The following TLK1 variants were observed in gnomAD, a reference collection of about 807,000 sequenced individuals.
TLK1 encodes serine/threonine-protein kinase tousled-like 1.
TLK1 carries 24 observed loss-of-function variants against 105.3 expected under a neutral mutation model. That is an observed-to-expected ratio of 0.23 (90% confidence interval 0.17 to 0.32). The LOEUF is 0.32. Among genes scored for constraint, TLK1 ranks in the 10% least tolerant of loss-of-function variants. TLK1 has a pLI of 1.00. For synonymous variants in TLK1, 321 were observed against 310.4 expected (o/e 1.03, Z -0.36); for missense variants, 558 against 910.5 (o/e 0.61, Z 4.98).
chr2:171,182,526 A>G (rs902475782), intron 1 of TLK1, among the ~76,000 whole-genome samples: 1 of 152,178 alleles, frequency 6.6e-6, no homozygotes, highest in Non-Finnish European at 1.5e-5. Flanking sequence ...AGGCCATGGA[A>G]AACAAGGAAA....
chr2:171,193,138 T>C (rs1196956827), intron 1 of TLK1, among the ~76,000 whole-genome samples: 1 of 152,188 alleles, frequency 6.6e-6, no homozygotes, highest in Non-Finnish European at 1.5e-5. Flanking sequence ...TTATACAGTA[T>C]TGGTAACCAC....
chr2:171,004,595 T>G (rs984444787), intron 18 of TLK1, among the ~76,000 whole-genome samples: 1 of 152,170 alleles, frequency 6.6e-6, no homozygotes, highest in African/African-American at 2.4e-5. Flanking sequence ...GGAAATTTCC[T>G]TGTCCTTCCC....
chr2:171,215,575 A>G (rs1250974887), intron 1 of TLK1, among the ~76,000 whole-genome samples: 1 of 152,230 alleles, frequency 6.6e-6, no homozygotes, highest in Non-Finnish European at 1.5e-5. Context: ...TGAAATCCAA[A>G]AGGAACCAAA....
At chr2:171,167,471 T>C (rs1692630153) in intron 1 of TLK1, among the ~76,000 whole-genome samples, 1 of 152,184 alleles carries the variant, frequency 6.6e-6, no homozygotes, top group Non-Finnish European at 1.5e-5. Context: ...TCCATTACAT[T>C]AGATTATGAA....
chr2:171,133,219 C>T (rs1691173604), intron 1 of TLK1, among the ~76,000 whole-genome samples: 1 of 152,112 alleles, frequency 6.6e-6, no homozygotes, highest in African/African-American at 2.4e-5. Context: ...TGTTAGGCAG[C>T]CATCCAGGTT....
At chr2:171,191,404 C>T (rs887231799) in intron 1 of TLK1, among the ~76,000 whole-genome samples, 16 of 151,916 alleles carry the variant, frequency 1.1e-4, no homozygotes, top group Admixed American at 2.6e-4. Context: ...CCCACCACCC[C>T]CCCCTCTAAA....
At chr2:171,129,310 T>C (rs1044010965) in intron 1 of TLK1, among the ~76,000 whole-genome samples, 1 of 152,218 alleles carries the variant, frequency 6.6e-6, no homozygotes, top group African/African-American at 2.4e-5. Context: ...CCAATTGTTA[T>C]GAACCTTAAA....
At chr2:171,029,169 G>GA (rs1685918534) in intron 11 of TLK1, among the ~76,000 whole-genome samples, 2 of 152,160 alleles carry the variant, frequency 1.3e-5, no homozygotes, top group African/African-American at 4.8e-5. Context: ...GCCAAGTCAA[G>GA]AATTTCAGTT....
intron 13 of TLK1, among the ~76,000 whole-genome samples, chr2:171,013,977 C>G (rs1217236863): frequency 6.6e-6 from 1 of 152,216 alleles, no homozygotes; most frequent in Non-Finnish European, 1.5e-5. Flanking sequence ...TCAATTGCTT[C>G]AACATATACT....
intron 12 of TLK1, among the ~76,000 whole-genome samples, chr2:171,020,297 T>C (rs1294667318): frequency 6.6e-6 from 1 of 151,810 alleles, no homozygotes; most frequent in African/African-American, 2.4e-5. Flanking sequence ...ATCCCAGCAC[T>C]TCAGGAGGCT....
intron 1 of TLK1, among the ~76,000 whole-genome samples, chr2:171,190,567 A>G (rs558327097): frequency 1.3e-5 from 2 of 152,356 alleles, no homozygotes; most frequent in Admixed American, 1.3e-4. Flanking sequence ...ATGCTGAAAG[A>G]AACTTTTCCA....
chr2:171,212,879 C>T (rs528837836), intron 1 of TLK1, among the ~76,000 whole-genome samples: 26 of 99,116 alleles, frequency 2.6e-4, no homozygotes, highest in African/African-American at 9.3e-4. Flanking sequence ...AGGAAAACAG[C>T]AAAAAGCGTT....
intron 1 of TLK1, among the ~76,000 whole-genome samples, chr2:171,129,046 G>A (rs1166700681): frequency 1.3e-5 from 2 of 152,086 alleles, no homozygotes; most frequent in East Asian, 3.9e-4. Context: ...ACTTGATCCT[G>A]CAGTAAGAAG....
chr2:171,211,707 G>A (rs188180553), intron 1 of TLK1, among the ~76,000 whole-genome samples: 65 of 152,054 alleles, frequency 4.3e-4, no homozygotes, highest in Middle Eastern at 3.4e-3. Flanking sequence ...ACCCCACCAC[G>A]CCAGGCTAAT....
At chr2:171,188,085 AT>A (rs1218201526) in intron 1 of TLK1, among the ~76,000 whole-genome samples, 1 of 152,226 alleles carries the variant, frequency 6.6e-6, no homozygotes, top group Non-Finnish European at 1.5e-5. Context: ...ACACATGAGC[AT>A]GGTTCAAGGG....
chr2:171,157,020 G>T (rs368344601), intron 1 of TLK1, among the ~76,000 whole-genome samples: 140 of 152,126 alleles, frequency 9.2e-4, no homozygotes, highest in African/African-American at 3.2e-3. Context: ...TGTCCAGGCT[G>T]GTCTTGAACT....
chr2:171,182,935 A>AG lies in TLK1; in HGVS notation c.-6+48209_-6+48210insC, dbSNP rs1553487147. Among the ~76,000 whole-genome samples, 159 of 128,822 alleles carry AG rather than the reference A, an allele frequency of 1.2e-3. 1 individual carries two copies. Among genetic ancestry groups the AG allele is most frequent in the African/African-American group, 5.4e-3 (149 of 27,594 alleles). 84.5% of individuals were successfully genotyped at this position (128,822 alleles called of 152,430 possible). On this transcript the variant is annotated intron_variant, in intron 1 of 20. Coordinates refer to the TLK1 transcript ENST00000521943. ...AAACCCTGACTCCAAAAAAAAAAAA[A>AG]AAAGAAAGAAAGAAAGAAAGAAAGA...
chr2:171,023,091 C>G (rs775864540), intron 12 of TLK1: 1 of 470,946 alleles, frequency 2.1e-6, no homozygotes, highest in South Asian at 1.5e-5. Context: ...GGTCAGAGAA[C>G]AGGATTTCAG....
intron 20 of TLK1, among the ~76,000 whole-genome samples, chr2:170,995,079 G>A (rs1283146990): frequency 6.6e-6 from 1 of 152,054 alleles, no homozygotes; most frequent in Non-Finnish European, 1.5e-5. Flanking sequence ...TTTATTGGAA[G>A]TCAATCTGAT....
Sources: allele counts gnomAD v4.1 joint callset (sites outside exome capture counted in the v4.1 genomes callset), GRCh38; gene constraint gnomAD v4.1.1; transcripts MANE v1.5; gene names NCBI Gene and HGNC (gene_info 2026-07-23, HGNC 2026-07-21).